Variants in FBN1 observed in about 807,000 individuals in gnomAD.
The protein encoded by FBN1 is fibrillin 1.
FBN1 carries 29 observed loss-of-function variants against 365.1 expected under a neutral mutation model. That is an observed-to-expected ratio of 0.08 (90% CI 0.06 to 0.11). The LOEUF (loss-of-function observed/expected upper bound fraction) is 0.11. Ranked by LOEUF, FBN1 falls within the 10% of genes least tolerant of loss-of-function variation. The pLI is 1.00. For synonymous variants in FBN1, 1,210 were observed against 1,270.5 expected (o/e 0.95, Z 1.01); for missense variants, 2,476 against 3,703.2 (o/e 0.67, Z 8.60).
At chr15:48,624,148 A>G (rs1326633741) in intron 2 of FBN1, among the ~76,000 whole-genome samples, 1 of 152,218 alleles carries the variant, frequency 6.6e-6, no homozygotes, top group African/African-American at 2.4e-5. Context: ...TGAAGCTCAA[A>G]AAGCCATGGG....
chr15:48,534,425 T>C (rs899993016), intron 7 of FBN1, among the ~76,000 whole-genome samples: 2 of 152,234 alleles, frequency 1.3e-5, no homozygotes, highest in African/African-American at 2.4e-5. Context: ...AAGTCACAAG[T>C]ATTTTTTGTT....
intron 6 of FBN1, among the ~76,000 whole-genome samples, chr15:48,560,235 T>G: frequency 6.6e-6 from 1 of 152,150 alleles, no homozygotes; most frequent in Non-Finnish European, 1.5e-5. Context: ...TAAAGGATCC[T>G]AACTTTCCTG....
At chr15:48,472,768 G>A (rs2043388380) in intron 34 of FBN1, 92 bp from the exon 35 acceptor site, 1 of 1,566,364 alleles carries the variant, frequency 6.4e-7, no homozygotes, top group Non-Finnish European at 8.8e-7. Flanking sequence ...GCAATGTTTT[G>A]GCATAACTTC....
chr15:48,440,992 G>A (rs2043109598), intron 50 of FBN1, among the ~76,000 whole-genome samples: 1 of 151,340 alleles, frequency 6.6e-6, no homozygotes, highest in Non-Finnish European at 1.5e-5. Context: ...ACATGTGTTT[G>A]TTTCATCTCC....
chr15:48,549,462 C>T (rs150801182), intron 6 of FBN1, among the ~76,000 whole-genome samples: 6 of 152,282 alleles, frequency 3.9e-5, no homozygotes, highest in Non-Finnish European at 7.3e-5. Context: ...TTGGAGAGAG[C>T]ATTTGGTTTT....
At chr15:48,504,000 G>C in intron 16 of FBN1, 61 bp from the exon 17 acceptor site, 1 of 1,601,208 alleles carries the variant, frequency 6.2e-7, no homozygotes, top group Non-Finnish European at 8.5e-7. Flanking sequence ...AACCCCCCAA[G>C]TCAAAGTTGA....
chr15:48,485,450 G>A lies in FBN1; in HGVS notation c.3636C>T (p.Cys1212=), dbSNP rs2043497888. The stretch of plus-strand genomic sequence containing the variant: ...ATTCATAGCTGCCTTCAGAGTTTGT[G>A]CAGAAGGTTTCACAACCACCATTCA... ...SIMNGGCETF[C]TNSEGSYECS... Residue 1212 remains cysteine (C), a synonymous_variant, in exon 30 of 66, where the codon TGC becomes TGT. Transcript: ENST00000316623. The A allele has an allele frequency of 1.2e-6, 2 of 1,614,150 alleles. No individual in the cohort carries two copies. The highest frequency in any genetic ancestry group is 1.7e-6 in the Non-Finnish European group (2 of 1,180,000).
chr15:48,544,958 C>T (rs2044084028), intron 6 of FBN1, among the ~76,000 whole-genome samples: 1 of 152,188 alleles, frequency 6.6e-6, no homozygotes, highest in Non-Finnish European at 1.5e-5. Context: ...TCTTAATGGT[C>T]TGCAAATTCC....
intron 24 of FBN1, among the ~76,000 whole-genome samples, chr15:48,491,573 G>A (rs546438451): frequency 5.3e-5 from 8 of 152,178 alleles, no homozygotes; most frequent in South Asian, 2.1e-4. Context: ...AGATGGTCTC[G>A]ATCTCCTGAC....
intron 2 of FBN1, chr15:48,643,851 A>G (rs1343169424): frequency 6.6e-6 from 1 of 152,160 alleles, no homozygotes; most frequent in Non-Finnish European, 1.5e-5. Flanking sequence ...GAAAATGACA[A>G]CCCTTAGTCA....
chr15:48,460,887 CTCTG>C (rs1261594325), intron 42 of FBN1, among the ~76,000 whole-genome samples: 7 of 152,228 alleles, frequency 4.6e-5, no homozygotes, highest in Admixed American at 2.0e-4. Context: ...TTCTGTCTCT[CTCTG>C]TCTTTCTCTC....
chr15:48,612,226 T>G (rs926050306), intron 3 of FBN1, among the ~76,000 whole-genome samples: 1 of 152,168 alleles, frequency 6.6e-6, no homozygotes, highest in East Asian at 1.9e-4. Flanking sequence ...TTGGCCAATA[T>G]AGTCTATTGA....
chr15:48,527,557 C>T (rs536748984), intron 8 of FBN1, among the ~76,000 whole-genome samples: 22 of 152,260 alleles, frequency 1.4e-4, no homozygotes, highest in Non-Finnish European at 3.1e-4. Context: ...CTTACAACCC[C>T]CAATAAGAAC....
In FBN1 at chr15:48,488,395, G is replaced by C. The variant is rs781064769; in HGVS notation, c.3181C>G (p.Leu1061Val). 6.2e-7 allele frequency: 1 copy of C among 1,614,210 alleles called. No homozygotes were observed. The highest frequency in any genetic ancestry group is 8.5e-7 in the Non-Finnish European group (1 of 1,180,046). ...FKCRCDSGFA[L>V]DSEERNCTDI... ...GTGCAGTTCCTTTCTTCAGAATCAA[G>C]AGCAAAGCCGCTGTCACACCTGCAC... Residue 1061 changes from leucine (L) to valine (V), a missense_variant, in exon 26 of 66, where the codon CTT becomes GTT. This residue lies in a region of FBN1 where 1,780 missense variants were observed against 2,840.8 expected (regional missense o/e 0.63). Transcript: ENST00000316623.
chr15:48,566,375 AC>A (rs2044258883), intron 6 of FBN1, among the ~76,000 whole-genome samples: 1 of 152,116 alleles, frequency 6.6e-6, no homozygotes, highest in Admixed American at 6.6e-5. Flanking sequence ...TAATATAAAC[AC>A]CTATTTTACT....
chr15:48,423,403 T>G (rs9920665), intron 60 of FBN1, among the ~76,000 whole-genome samples: 1 of 152,174 alleles, frequency 6.6e-6, no homozygotes, highest in East Asian at 1.9e-4. Flanking sequence ...CTTATAATGC[T>G]GCCTGTCCTG....
chr15:48,422,157 T>C (rs546618856), intron 60 of FBN1, 89 bp from the exon 61 acceptor site: 23 of 877,406 alleles, frequency 2.6e-5, no homozygotes, highest in East Asian at 2.5e-4. Flanking sequence ...CACGTTTGAT[T>C]TGGAGGTCTC....
In FBN1 at chr15:48,622,002, A is replaced by G. The variant is rs140442912; in HGVS notation, c.165-8910T>C. Among the ~76,000 whole-genome samples the G allele has an allele frequency of 7.6e-3, 1,162 of 152,108 alleles. 21 individuals carry two copies. Among genetic ancestry groups the G allele is most frequent in the African/African-American group, 0.027 (1,109 of 41,492 alleles). On this transcript the variant is annotated intron_variant, in intron 2 of 65. Coordinates refer to ENST00000316623, the MANE Select transcript of FBN1 (RefSeq NM_000138.5). Reference sequence around the variant, plus strand: ...GACAGAGCGAGACTCTGTCTCAAAAAAAAAAAAAAGAAAAAAATTGGTTCA... The same window carrying G: ...GACAGAGCGAGACTCTGTCTCAAAAGAAAAAAAAAGAAAAAAATTGGTTCA...
chr15:48,616,168 T>A (rs565938071), intron 2 of FBN1, among the ~76,000 whole-genome samples: 1 of 152,254 alleles, frequency 6.6e-6, no homozygotes, highest in Non-Finnish European at 1.5e-5. Context: ...AGGTTCTTTA[T>A]AATTTTGGGT....
Sources: gnomAD v4.1 joint callset for allele counts (sites outside exome capture counted in the v4.1 genomes callset) on GRCh38, gnomAD v4.1.1 for gene constraint, gnomAD v4.1.1 regional missense constraint, MANE v1.5 for transcripts, NCBI Gene and HGNC (gene_info 2026-07-23, HGNC 2026-07-21) for gene names.